Variants in ANKS1B observed in about 807,000 individuals in gnomAD.
ANKS1B encodes ankyrin repeat and sterile alpha motif domain containing 1B.
Under a neutral mutation model 148.3 loss-of-function variants are expected in ANKS1B, and 36 were observed. The ratio of observed to expected loss-of-function variants is 0.24; its 90% CI spans 0.19 to 0.32. The LOEUF (loss-of-function observed/expected upper bound fraction) is 0.32. Among genes scored for constraint, ANKS1B ranks in the 10% least tolerant of loss-of-function variants. ANKS1B has a pLI of 1.00. For synonymous variants in ANKS1B, 542 were observed against 560.8 expected (o/e 0.97, Z 0.47); for missense variants, 1,157 against 1,542.6 (o/e 0.75, Z 4.19).
Position 99,000,795 on chromosome 12 carries a change from T to A in ANKS1B, c.2778+52362A>T, listed in dbSNP as rs1401392667. ...CCTTGGTAACCACCATTTATTCTAC[T>A]CTCGCATTATGTGAAATGGACTATT... On this transcript the variant is annotated intron_variant, in intron 17 of 26. Coordinates refer to ENST00000683438, the MANE Select transcript of ANKS1B (RefSeq NM_001352186.2). 5.3e-5 allele frequency among the ~76,000 whole-genome samples: 8 copies of A among 152,314 alleles called. No homozygotes were observed. The East Asian group carries it at 1.5e-3, about 29-fold the overall frequency.
chr12:99,615,917 A>T (rs1272809850), intron 9 of ANKS1B, among the ~76,000 whole-genome samples: 2 of 152,068 alleles, frequency 1.3e-5, no homozygotes, highest in Middle Eastern at 3.2e-3. Flanking sequence ...CCAAAAACTT[A>T]AGCTGATAAG....
chr12:99,935,325 T>A (rs1193478920), intron 1 of ANKS1B, among the ~76,000 whole-genome samples: 2 of 143,564 alleles, frequency 1.4e-5, no homozygotes, highest in South Asian at 2.2e-4. Flanking sequence ...AGGCTGCATA[T>A]AAGGATGTGT....
intron 25 of ANKS1B, among the ~76,000 whole-genome samples, chr12:98,764,176 C>G (rs1394424514): frequency 6.6e-6 from 1 of 152,144 alleles, no homozygotes. Flanking sequence ...CAACCTCTCC[C>G]CTGCTCCTCA....
downstream of ANKS1B, among the ~76,000 whole-genome samples, chr12:98,742,530 AGAGT>A (rs1312183537): frequency 3.9e-5 from 6 of 152,278 alleles, no homozygotes; most frequent in African/African-American, 9.6e-5. Context: ...CGCTAAGCAC[AGAGT>A]GAGTTCTCAA....
At chr12:99,279,562 T>C (rs1463566538) in intron 12 of ANKS1B, among the ~76,000 whole-genome samples, 1 of 152,088 alleles carries the variant, frequency 6.6e-6, no homozygotes, top group Admixed American at 6.6e-5. Flanking sequence ...AAGCATGCAA[T>C]CTGTGGGGTG....
chr12:99,618,419 A>T (rs1422501222), intron 9 of ANKS1B, among the ~76,000 whole-genome samples: 1 of 152,164 alleles, frequency 6.6e-6, no homozygotes, highest in Non-Finnish European at 1.5e-5. Context: ...GTAACTTGGA[A>T]GTAGCATAAA....
At chr12:98,810,428 T>A (rs1284065144) in intron 19 of ANKS1B, among the ~76,000 whole-genome samples, 1 of 152,198 alleles carries the variant, frequency 6.6e-6, no homozygotes, top group African/African-American at 2.4e-5. Context: ...AATATATGTG[T>A]TTAGCTAATC....
At chr12:99,487,498 G>T (rs1319220604) in intron 10 of ANKS1B, among the ~76,000 whole-genome samples, 2 of 152,070 alleles carry the variant, frequency 1.3e-5, no homozygotes, top group African/African-American at 4.8e-5. Flanking sequence ...GAACAATTGG[G>T]TCAGGCAAAA....
At chr12:99,790,514 A>G (rs933283950) in intron 4 of ANKS1B, among the ~76,000 whole-genome samples, 1 of 152,186 alleles carries the variant, frequency 6.6e-6, no homozygotes, top group Non-Finnish European at 1.5e-5. Context: ...AAGTAGAAAC[A>G]CTAAACAATG....
At chr12:99,273,645 C>T (rs947760797) in intron 12 of ANKS1B, among the ~76,000 whole-genome samples, 3 of 139,194 alleles carry the variant, frequency 2.2e-5, no homozygotes, top group African/African-American at 5.7e-5. Flanking sequence ...GGCACAATCT[C>T]GGCTCACTGG....
chr12:99,505,661 G>T (rs1038847117), intron 9 of ANKS1B, among the ~76,000 whole-genome samples: 3 of 148,656 alleles, frequency 2.0e-5, no homozygotes, highest in African/African-American at 7.4e-5. Context: ...TATATAATGT[G>T]CTAAATGCTG....
intron 15 of ANKS1B, among the ~76,000 whole-genome samples, chr12:99,121,075 C>T (rs1229790470): frequency 1.3e-5 from 2 of 151,734 alleles, no homozygotes; most frequent in Non-Finnish European, 2.9e-5. Context: ...ACCCTATATG[C>T]CAGCCTCCAA....
At chr12:99,397,588 C>G (rs1428643404) in intron 12 of ANKS1B, among the ~76,000 whole-genome samples, 2 of 151,954 alleles carry the variant, frequency 1.3e-5, no homozygotes, top group Non-Finnish European at 2.9e-5. Context: ...ACTCTAGTAC[C>G]AGGTTTGAGT....
At chr12:98,959,031 T>C (rs1159120272) in intron 17 of ANKS1B, among the ~76,000 whole-genome samples, 2 of 152,212 alleles carry the variant, frequency 1.3e-5, no homozygotes, top group South Asian at 2.1e-4. Context: ...TTTAATAATA[T>C]GGAAAGGGAT....
At chr12:98,963,889 C>A (rs1343068260) in intron 17 of ANKS1B, among the ~76,000 whole-genome samples, 5 of 152,076 alleles carry the variant, frequency 3.3e-5, no homozygotes, top group African/African-American at 1.2e-4. Flanking sequence ...CACCTGAGGT[C>A]AGGAGATGGA....
intron 9 of ANKS1B, among the ~76,000 whole-genome samples, chr12:99,591,462 T>A (rs1278909749): frequency 6.6e-6 from 1 of 152,062 alleles, no homozygotes. Context: ...TATATTCTTA[T>A]AAAATATATT....
At chr12:98,838,029 C>T (rs561255217) in intron 17 of ANKS1B, among the ~76,000 whole-genome samples, 5 of 152,226 alleles carry the variant, frequency 3.3e-5, no homozygotes, top group East Asian at 1.9e-4. Flanking sequence ...GGTCATATCA[C>T]GAGTACCATT....
rs536055505 is a variant in ANKS1B at position 99,299,371 on chromosome 12, G to C, written c.1757-52507C>G. The stretch of plus-strand genomic sequence containing the variant: ...CACTGCACCCAGCCTTGTAGCTTCT[G>C]AAGAGCAGGAAGGAGAGCTTGTGAG... On this transcript the variant is annotated intron_variant, in intron 12 of 26. Coordinates refer to ENST00000683438, the MANE Select transcript of ANKS1B (RefSeq NM_001352186.2). Among the ~76,000 whole-genome samples, 3 of 152,272 alleles carry C rather than the reference G, an allele frequency of 2.0e-5. 1 individual carries two copies. Among genetic ancestry groups the C allele is most frequent in the African/African-American group, 7.2e-5 (3 of 41,564 alleles).
At chr12:98,995,029 C>G (rs761756256) in intron 17 of ANKS1B, among the ~76,000 whole-genome samples, 1 of 152,080 alleles carries the variant, frequency 6.6e-6, no homozygotes, top group South Asian at 2.1e-4. Flanking sequence ...GTTAAAGAGG[C>G]TATATGAAAT....
Sources: gnomAD v4.1 joint callset for allele counts (sites outside exome capture counted in the v4.1 genomes callset) on GRCh38, gnomAD v4.1.1 for gene constraint, MANE v1.5 for transcripts, NCBI Gene and HGNC (gene_info 2026-07-23, HGNC 2026-07-21) for gene names.